The following CAMK4 variants were observed in gnomAD, a reference collection of about 807,000 sequenced individuals.
CAMK4 encodes calcium/calmodulin dependent protein kinase IV.
Under a neutral mutation model 44.9 loss-of-function variants are expected in CAMK4, and 22 were observed. That is an observed-to-expected ratio of 0.49 (90% CI 0.35 to 0.70). The LOEUF (loss-of-function observed/expected upper bound fraction) is 0.70. CAMK4 is among the 30% of genes least tolerant of loss of function. CAMK4 has a pLI of 0.01. For missense variants in CAMK4, 498 were observed against 586.8 expected (o/e 0.85, Z 1.56); for synonymous variants, 218 against 215.4 (o/e 1.01, Z -0.11).
intron 5 of CAMK4, among the ~76,000 whole-genome samples, chr5:111,405,299 C>G (rs747292911): frequency 2.0e-5 from 3 of 152,136 alleles, no homozygotes; most frequent in Non-Finnish European, 4.4e-5. Flanking sequence ...GAAACCCCAT[C>G]TCTACTAAAA....
chr5:111,459,796 G>A (rs1305063212), intron 7 of CAMK4, among the ~76,000 whole-genome samples: 2 of 148,558 alleles, frequency 1.3e-5, no homozygotes, highest in South Asian at 4.3e-4. Flanking sequence ...TCCGCCTCTC[G>A]GGTTCACGCC....
chr5:111,266,574 T>C (rs930474559), intron 1 of CAMK4, among the ~76,000 whole-genome samples: 1 of 152,230 alleles, frequency 6.6e-6, no homozygotes, highest in East Asian at 1.9e-4. Flanking sequence ...CTCAATAGAT[T>C]GACATAGTTG....
chr5:111,323,253 A>G (rs374336255), intron 1 of CAMK4, among the ~76,000 whole-genome samples: 8 of 152,114 alleles, frequency 5.3e-5, no homozygotes, highest in African/African-American at 1.4e-4. Flanking sequence ...ACCATGAAAC[A>G]AAGATATGAT....
chr5:111,362,662 A>T (rs1447689470), intron 2 of CAMK4, among the ~76,000 whole-genome samples: 1 of 152,006 alleles, frequency 6.6e-6, no homozygotes, highest in Non-Finnish European at 1.5e-5. Context: ...TGACAACATG[A>T]ATCTTAAAAA....
At chr5:111,462,103 G>A (rs1032226757) in intron 7 of CAMK4, among the ~76,000 whole-genome samples, 61 of 152,226 alleles carry the variant, frequency 4.0e-4, no homozygotes, top group African/African-American at 1.3e-3. Flanking sequence ...TTCCTCCAGT[G>A]CCCCTTGCTT....
chr5:111,402,873 A>G (rs1025609609), intron 5 of CAMK4, among the ~76,000 whole-genome samples: 3 of 152,218 alleles, frequency 2.0e-5, no homozygotes, highest in African/African-American at 7.2e-5. Context: ...GAAGGCAGGG[A>G]AGAAAGATGA....
chr5:111,454,285 A>G (rs550016511), intron 7 of CAMK4, among the ~76,000 whole-genome samples: 2 of 152,250 alleles, frequency 1.3e-5, no homozygotes, highest in South Asian at 4.1e-4. Flanking sequence ...AGGCTTTTCA[A>G]ATTACATCTT....
chr5:111,462,508 A>T (rs1009901329), intron 7 of CAMK4, among the ~76,000 whole-genome samples: 2 of 152,212 alleles, frequency 1.3e-5, no homozygotes, highest in Non-Finnish European at 2.9e-5. Context: ...TGAGTGAGTG[A>T]ATGAACCTGT....
intron 1 of CAMK4, among the ~76,000 whole-genome samples, chr5:111,253,460 T>C (rs994493618): frequency 1.5e-4 from 23 of 152,292 alleles, no homozygotes; most frequent in African/African-American, 4.8e-4. Flanking sequence ...GTTTTCTCAG[T>C]CATGTCACCT....
At chr5:111,374,829 C>T in intron 2 of CAMK4, 21 bp from the exon 3 acceptor site, 2 of 1,527,758 alleles carry the variant, frequency 1.3e-6, no homozygotes, top group Non-Finnish European at 1.8e-6. Flanking sequence ...TTCAGTTTAT[C>T]TCTTTTATTT....
At chr5:111,343,385 C>G (rs1749724230) in intron 1 of CAMK4, among the ~76,000 whole-genome samples, 1 of 151,738 alleles carries the variant, frequency 6.6e-6, no homozygotes, top group Admixed American at 6.6e-5. Context: ...TCTCTTTTAT[C>G]TCTCTTTTAC....
At chr5:111,286,049 A>T (rs1183499954) in intron 1 of CAMK4, among the ~76,000 whole-genome samples, 1 of 152,244 alleles carries the variant, frequency 6.6e-6, no homozygotes, top group Non-Finnish European at 1.5e-5. Context: ...ATGTGACCAA[A>T]ACGCAAAGTG....
chr5:111,474,934 G>A (rs945465984), intron 8 of CAMK4, among the ~76,000 whole-genome samples: 1 of 152,158 alleles, frequency 6.6e-6, no homozygotes, highest in South Asian at 2.1e-4. Context: ...AGGCCGAGAC[G>A]GGTGGATCCA....
intron 1 of CAMK4, among the ~76,000 whole-genome samples, chr5:111,229,275 A>G (rs1196616054): frequency 6.6e-6 from 1 of 152,196 alleles, no homozygotes; most frequent in African/African-American, 2.4e-5. Context: ...TCTGTTTTGC[A>G]GATGGCTGCC....
chr5:111,234,330 G>A (rs1396863679), intron 1 of CAMK4, among the ~76,000 whole-genome samples: 2 of 152,032 alleles, frequency 1.3e-5, no homozygotes, highest in African/African-American at 2.4e-5. Context: ...CTTGATGAAC[G>A]GTTTTGATAA....
At chr5:111,261,796 T>G (rs1461948342) in intron 1 of CAMK4, among the ~76,000 whole-genome samples, 1 of 152,126 alleles carries the variant, frequency 6.6e-6, no homozygotes, top group African/African-American at 2.4e-5. Context: ...CCTTACTGCT[T>G]CTCTCCCCTT....
At chr5:111,373,997 C>T (rs1417724032) in intron 2 of CAMK4, among the ~76,000 whole-genome samples, 4 of 152,076 alleles carry the variant, frequency 2.6e-5, no homozygotes, top group African/African-American at 7.2e-5. Context: ...TGAACTAAAT[C>T]GCCATTGTCC....
chr5:111,439,786 A>T (rs913136428), intron 5 of CAMK4, among the ~76,000 whole-genome samples: 6 of 152,150 alleles, frequency 3.9e-5, no homozygotes, highest in African/African-American at 1.4e-4. Flanking sequence ...CAAGTGGAAG[A>T]CCTGGAGCCA....
intron 2 of CAMK4, among the ~76,000 whole-genome samples, chr5:111,350,252 T>C (rs2112768906): frequency 6.6e-6 from 1 of 152,204 alleles, no homozygotes; most frequent in Admixed American, 6.5e-5. Context: ...TGAACATTAT[T>C]CTTATTAATT....
Sources: gnomAD v4.1 joint callset for allele counts (sites outside exome capture counted in the v4.1 genomes callset) on GRCh38, gnomAD v4.1.1 for gene constraint, MANE v1.5 for transcripts, NCBI Gene and HGNC (gene_info 2026-07-23, HGNC 2026-07-21) for gene names.